CEP112: variants seen among roughly 807,000 people sequenced by gnomAD.
CEP112 encodes the protein centrosomal protein of 112 kDa.
A neutral mutation model predicts 153.0 loss-of-function variants in CEP112; 127 were observed. The ratio of observed to expected loss-of-function variants is 0.83; its 90% CI spans 0.72 to 0.96. The LOEUF is 0.96. CEP112 is among the 40% of genes least tolerant of loss of function. CEP112 has a pLI of 0.00. For synonymous variants in CEP112, 358 were observed against 374.4 expected, an observed-to-expected ratio of 0.96 and a Z score of 0.51; for missense variants, 1,089 against 1,101.2, an observed-to-expected ratio of 0.99 and a Z score of 0.16.
chr17:65,693,110 T>C (rs2048193390), intron 23 of CEP112, among the ~76,000 whole-genome samples: 1 of 152,168 alleles, frequency 6.6e-6, no homozygotes, highest in African/African-American at 2.4e-5. Flanking sequence ...TTAATTTTAT[T>C]TCACAGAAGA....
rs538427683 is a variant in CEP112 at position 65,859,584 on chromosome 17, T to G, written c.2164-7550A>C. On this transcript the variant is annotated intron_variant, in intron 20 of 26. Transcript: ENST00000535342. ...ATCACTTTAACCAGATAAAAGGTAT[T>G]TGACAAAAGACTCATCAAATTTCAT... Among the ~76,000 whole-genome samples the G allele has an allele frequency of 3.3e-5, 5 of 151,900 alleles. No individual in the cohort carries two copies. In the South Asian group the frequency reaches 1.0e-3, roughly 32 times the overall value.
intron 16 of CEP112, among the ~76,000 whole-genome samples, chr17:66,025,455 A>C (rs1427754221): frequency 6.6e-6 from 1 of 152,034 alleles, no homozygotes; most frequent in Non-Finnish European, 1.5e-5. Flanking sequence ...CAAAATAATA[A>C]TAATAATTAA....
rs746624928 is a variant in CEP112 at position 65,851,962 on chromosome 17, G to T, written c.2236C>A (p.Gln746Lys). Residue 746 changes from glutamine to lysine, a missense_variant, in exon 21 of 27, where the codon CAG becomes AAG. Transcript: ENST00000535342. ...ELINVNSQRKQQLVELGLLRE... is the reference protein window; with the variant it reads ...ELINVNSQRKKQLVELGLLRE... ...AGAAGACCAAGCTCTACCAGCTGCT[G>T]TTTCCGCTGTGAGTTCACATTGATC... The T allele has an allele frequency of 3.7e-6, 6 of 1,613,960 alleles. No individual in the cohort carries two copies. In the South Asian group the frequency reaches 6.6e-5, roughly 18 times the overall value.
At chr17:65,837,425 A>T (rs1356698525) in intron 21 of CEP112, among the ~76,000 whole-genome samples, 2 of 149,742 alleles carry the variant, frequency 1.3e-5, no homozygotes, top group Non-Finnish European at 1.5e-5. Context: ...GCCCCATCTG[A>T]AATGTGAAGA....
chr17:65,872,201 A>G (rs1485605349), intron 20 of CEP112, among the ~76,000 whole-genome samples: 2 of 152,058 alleles, frequency 1.3e-5, no homozygotes, highest in African/African-American at 4.8e-5. Context: ...TTTTAATTAT[A>G]TTAACATTTT....
At chr17:65,650,043 A>G (rs1171558164) in intron 24 of CEP112, among the ~76,000 whole-genome samples, 1 of 152,228 alleles carries the variant, frequency 6.6e-6, no homozygotes, top group Non-Finnish European at 1.5e-5. Flanking sequence ...AACCTCCTGC[A>G]ACTCCAGAGA....
intron 18 of CEP112, among the ~76,000 whole-genome samples, chr17:65,931,481 T>C (rs1430457473): frequency 1.3e-5 from 2 of 152,198 alleles, no homozygotes; most frequent in African/African-American, 2.4e-5. Flanking sequence ...CATTCCAAGA[T>C]GTTTGGCAGG....
intron 24 of CEP112, among the ~76,000 whole-genome samples, chr17:65,648,840 C>T (rs2045580865): frequency 6.6e-6 from 1 of 152,170 alleles, no homozygotes; most frequent in Non-Finnish European, 1.5e-5. Flanking sequence ...CACCTGAGGT[C>T]AGGAGTTCAA....
At chr17:65,660,426 CTTCT>C (rs1184982179) in intron 24 of CEP112, among the ~76,000 whole-genome samples, 1,329 of 118,264 alleles carry the variant, frequency 0.011, 23 homozygotes, top group Non-Finnish European at 0.018. Context: ...ACCCTCCCTC[CTTCT>C]TTCTTTCTTT....
intron 21 of CEP112, chr17:65,804,320 A>G (rs1352651695): frequency 6.6e-6 from 1 of 152,128 alleles, no homozygotes; most frequent in Non-Finnish European, 1.5e-5. Context: ...TATGTCTATA[A>G]AGCTCTTTTC....
intron 23 of CEP112, among the ~76,000 whole-genome samples, chr17:65,741,006 T>C (rs1466725437): frequency 6.6e-6 from 1 of 152,196 alleles, no homozygotes; most frequent in Admixed American, 6.5e-5. Context: ...GTATAATAGT[T>C]AATAGTTGAG....
At chr17:66,109,866 A>C (rs2068946004) in intron 6 of CEP112, among the ~76,000 whole-genome samples, 1 of 152,216 alleles carries the variant, frequency 6.6e-6, no homozygotes, top group Non-Finnish European at 1.5e-5. Context: ...ATTTATAAAG[A>C]TATAATAAAA....
rs1307576049 is a variant in CEP112 at position 66,086,402 on chromosome 17, T to C, written c.768+9849A>G. Among the ~76,000 whole-genome samples, 42 of 116,988 alleles carry C rather than the reference T, an allele frequency of 3.6e-4. 1 individual carries two copies. Among genetic ancestry groups the C allele is most frequent in the Non-Finnish European group, 6.3e-4 (36 of 57,118 alleles). The allele number at this position is 116,988 out of a possible 152,430, so 76.7% of individuals were successfully genotyped here. A position where few individuals can be genotyped will look rare whatever the true frequency, so the allele number is the denominator to read the frequency against. ...TTTCTTTTTTTTTTTTTTTTTTTTT[T>C]TTTTTTTTTTTTTTTTTTTGAGAAG... On this transcript the variant is annotated intron_variant, in intron 8 of 26. Coordinates refer to ENST00000535342, the MANE Select transcript of CEP112 (RefSeq NM_001199165.4).
chr17:65,913,370 G>A (rs2143864295), intron 19 of CEP112: 1 of 361,196 alleles, frequency 2.8e-6, no homozygotes, highest in South Asian at 1.1e-4. Flanking sequence ...ATAAAATAAG[G>A]ACATATACAA....
At position 65,902,200 on chromosome 17, in the gene CEP112, ATT is replaced by A; in HGVS notation, c.2113_2114del (p.Asn705TyrfsTer51). On this transcript the variant is annotated frameshift_variant, in exon 20 of 27. Coordinates refer to ENST00000535342, the MANE Select transcript of CEP112 (RefSeq NM_001199165.4). LOFTEE classifies it high-confidence loss of function. ...CCTGAATTTGATTTTCGTGCTCCAT[ATT>A]GGCAGCGCGAAGCTGTTTTTCCAGG... is the stretch of plus-strand genomic sequence containing the variant. ...ENLEKQLRAA[N>X]MEHENQIQEF... The A allele has an allele frequency of 6.2e-6, 10 of 1,613,662 alleles. No individual in the cohort carries two copies. The highest frequency in any genetic ancestry group is 8.5e-6 in the Non-Finnish European group (10 of 1,179,908).
intron 17 of CEP112, among the ~76,000 whole-genome samples, chr17:65,970,923 G>C (rs1426794077): frequency 2.1e-5 from 3 of 143,586 alleles, no homozygotes; most frequent in African/African-American, 5.4e-5. Context: ...TTGCATGTAT[G>C]CAGTTATTGC....
chr17:65,960,196 G>T (rs910521392), intron 18 of CEP112, among the ~76,000 whole-genome samples: 1 of 152,040 alleles, frequency 6.6e-6, no homozygotes, highest in South Asian at 2.1e-4. Context: ...GAGTAGGGGA[G>T]CTGATAAAAT....
intron 21 of CEP112, among the ~76,000 whole-genome samples, chr17:65,798,253 AC>A (rs1292338529): frequency 6.6e-6 from 1 of 152,202 alleles, no homozygotes; most frequent in African/African-American, 2.4e-5. Flanking sequence ...CATAAAAAAA[AC>A]ACATTATATA....
In CEP112 at chr17:66,060,554, GAC is replaced by G. The variant is rs1343668346; in HGVS notation, c.1074+2407_1074+2408del. Among the ~76,000 whole-genome samples, 4 of 151,940 alleles carry G rather than the reference GAC, an allele frequency of 2.6e-5. No individual in the cohort carries two copies. The East Asian group carries it at 7.7e-4, about 29-fold the overall frequency. Reference sequence around the variant, plus strand: ...ACAGTATGCTATTGGCATAAAAACAGACACACAGACCAATAAAACAGCATGAA... The same window carrying G: ...ACAGTATGCTATTGGCATAAAAACAGACACAGACCAATAAAACAGCATGAA... On this transcript the variant is annotated intron_variant, in intron 11 of 26. Transcript: ENST00000535342.
Sources: allele counts gnomAD v4.1 joint callset (sites outside exome capture counted in the v4.1 genomes callset), GRCh38; gene constraint gnomAD v4.1.1; transcripts MANE v1.5; gene names NCBI Gene and HGNC (gene_info 2026-07-23, HGNC 2026-07-21).